CTU2: variants seen among roughly 807,000 people sequenced by gnomAD.
CTU2 encodes the protein cytoplasmic tRNA 2-thiolation protein 2.
A neutral mutation model predicts 64.1 loss-of-function variants in CTU2; 80 were observed. That is an observed-to-expected ratio of 1.25 (90% CI 1.04 to 1.50). The LOEUF is 1.50. Among genes scored for constraint, CTU2 ranks in the 40% most tolerant of loss-of-function variants. CTU2 has a pLI of 0.00. For missense variants in CTU2, 1,110 were observed against 690.2 expected, an observed-to-expected ratio of 1.61 and a Z score of -6.81; for synonymous variants, 482 against 285.3, an observed-to-expected ratio of 1.69 and a Z score of -6.95.
At chr16:88,710,345 T>C (rs1308884009) in intron 4 of CTU2, 63 bp downstream of exon 4, 16 of 1,558,712 alleles carry the variant, frequency 1.0e-5, no homozygotes, top group Admixed American at 1.7e-5. Flanking sequence ...GGGGCCTCCC[T>C]TCTCAGCCTG....
intron 12 of CTU2, 61 bp from the exon 13 acceptor site, chr16:88,714,799 A>T: frequency 2.5e-6 from 4 of 1,610,128 alleles, no homozygotes; most frequent in Non-Finnish European, 3.4e-6. Context: ...ACCTGTCCTT[A>T]CCCCACACTG....
chr16:88,713,563 C>T, intron 8 of CTU2, 84 bp from the exon 9 acceptor site: 1 of 1,565,706 alleles, frequency 6.4e-7, no homozygotes, highest in Non-Finnish European at 8.7e-7. Context: ...GTGGTGGGGT[C>T]TGTGACCTCC....
chr16:88,707,282 A>G (rs974931475), intron 2 of CTU2, 72 bp downstream of exon 2: 1 of 1,336,116 alleles, frequency 7.5e-7, no homozygotes, highest in East Asian at 2.3e-5. Flanking sequence ...GCAACTTGTG[A>G]TGCTTTGTTA....
intron 4 of CTU2, chr16:88,710,552 T>TTGA: frequency 2.0e-6 from 1 of 490,270 alleles, no homozygotes; most frequent in Non-Finnish European, 3.7e-6. Flanking sequence ...TGCGGCCCAC[T>TTGA]CTCAGATGTG....
At chr16:88,714,251 C>G in intron 10 of CTU2, 24 bp downstream of exon 10, 1 of 1,599,126 alleles carries the variant, frequency 6.3e-7, no homozygotes, top group Non-Finnish European at 8.5e-7. Flanking sequence ...TGGGTGTGTG[C>G]GGGGGGTGCG....
At position 88,710,292 on chromosome 16, in the gene CTU2, C is replaced by A; in HGVS notation, c.282+10C>A. On this transcript the variant is annotated intron_variant, in intron 4 of 14. Transcript: ENST00000453996. ...CTGGCAGGTTCTTGAGGTGCGTGTT[C>A]ACCACCCCGTGGGCCCGGGCTGCTG... 6.2e-7 allele frequency: 1 copy of A among 1,613,832 alleles called. No homozygotes were observed. Among genetic ancestry groups the A allele is most frequent in the Non-Finnish European group, 8.5e-7 (1 of 1,179,922 alleles).
At chr16:88,707,288 T>G in intron 2 of CTU2, 78 bp downstream of exon 2, 1 of 1,309,680 alleles carries the variant, frequency 7.6e-7, no homozygotes, top group Non-Finnish European at 1.1e-6. Context: ...TGTGATGCTT[T>G]GTTAATTCTT....
chr16:88,706,592 G>A lies in CTU2; in HGVS notation c.62G>A (p.Arg21Gln). The part of the protein sequence containing the change: ...PAPEEPPPAP[R>Q]PSREQKCVKC... The stretch of plus-strand genomic sequence containing the variant: ...CCTGAGGAGCCGCCCCCGGCGCCGC[G>A]GCCCAGGTAAGAGCTGGCGGCCGGA... The change falls in exon 1 of 15, where the codon CGG becomes CAG. Residue 21 changes from arginine (R) to glutamine (Q), a missense_variant. Transcript: ENST00000453996. 2.8e-6 allele frequency: 4 copies of A among 1,447,684 alleles called. No homozygotes were observed. Among genetic ancestry groups the A allele is most frequent in the South Asian group, 2.7e-5 (2 of 74,536 alleles). 89.7% of individuals were successfully genotyped at this position (1,447,684 alleles called of 1,614,324 possible). A position where few individuals can be genotyped will look rare whatever the true frequency, so the allele number is the denominator to read the frequency against.
intron 9 of CTU2, 52 bp from the exon 10 acceptor site, chr16:88,714,084 C>T (rs995795235): frequency 1.9e-5 from 29 of 1,561,876 alleles, no homozygotes; most frequent in Middle Eastern, 1.7e-4. Flanking sequence ...TCTGCCCCAG[C>T]CTGGGGCTGG....
At chr16:88,706,815 G>T in intron 1 of CTU2, 1 of 525,234 alleles carries the variant, frequency 1.9e-6, no homozygotes, top group Non-Finnish European at 3.4e-6. Flanking sequence ...CACTGGGGAC[G>T]GCTCTGCCGC....
intron 1 of CTU2, chr16:88,706,889 G>T (rs1035017991): frequency 2.5e-4 from 143 of 571,796 alleles, no homozygotes; most frequent in Admixed American, 3.0e-4. Context: ...CCCCGTGTCA[G>T]CCTTGGGAGA....
At chr16:88,711,556 A>C in intron 4 of CTU2, 79 bp from the exon 5 acceptor site, 1 of 1,359,198 alleles carries the variant, frequency 7.4e-7, no homozygotes, top group South Asian at 1.5e-5. Flanking sequence ...CATTAAATCC[A>C]GATGAAGAAT....
chr16:88,711,280 G>A (rs11861818), intron 4 of CTU2, among the ~76,000 whole-genome samples: 6,251 of 152,196 alleles, frequency 0.041, 415 homozygotes, highest in African/African-American at 0.14. Flanking sequence ...GCTTGTGAGA[G>A]CAAGTGCTTC....
chr16:88,709,725 G>A, intron 2 of CTU2: 2 of 581,944 alleles, frequency 3.4e-6, no homozygotes, highest in Non-Finnish European at 6.1e-6. Context: ...CTGGTCGTGG[G>A]AGGGGCCGGT....
rs61744025 is a variant in CTU2, at chr16:88,712,283, C to A, written c.353C>A (p.Ala118Asp). The change falls in exon 6 of 15, where the codon GCC becomes GAC. Residue 118 changes from alanine (A) to aspartate (D), a missense_variant. Ala to Asp is a moderately radical substitution (Grantham distance 126, BLOSUM62 -2). Transcript: ENST00000453996. Reference sequence around the variant, plus strand: ...TGCCTGGGTTTTTCAGAGGGAGCAGCCTGTGGCCAGAGCCTAGAGGAGAGA... The same window carrying A: ...TGCCTGGGTTTTTCAGAGGGAGCAGACTGTGGCCAGAGCCTAGAGGAGAGA... ...AGVIFVDEGAACGQSLEERSK... is the reference protein window; with the variant it reads ...AGVIFVDEGADCGQSLEERSK... The A allele has an allele frequency of 5.0e-6, 8 of 1,602,112 alleles. No individual in the cohort carries two copies. In the East Asian group the frequency reaches 1.3e-4, roughly 27 times the overall value.
At chr16:88,711,044 G>C (rs1911280462) in intron 4 of CTU2, 1 of 153,644 alleles carries the variant, frequency 6.5e-6, no homozygotes, top group Non-Finnish European at 1.4e-5. Flanking sequence ...CTGTGGGCTG[G>C]GTGGTTGAGA....
Position 88,715,339 on chromosome 16 carries a change from C to CTGA in CTU2, c.*90_*92dup, listed in dbSNP as rs1911899119. The CTGA allele has an allele frequency of 3.7e-6, 5 of 1,335,228 alleles. No individual in the cohort carries two copies. The highest frequency in any genetic ancestry group is 5.2e-6 in the Non-Finnish European group (5 of 969,962). The allele number at this position is 1,335,228 out of a possible 1,614,324, so 82.7% of individuals were successfully genotyped here. A position where few individuals can be genotyped will look rare whatever the true frequency, so the allele number is the denominator to read the frequency against. On this transcript the variant is annotated 3_prime_UTR_variant, in exon 15 of 15. Transcript: ENST00000453996. ...GAAGGCAAGGACGGGGGACTGGCCT[C>CTGA]TGATTGTCCATTTGTATAAATAAAA...
intron 2 of CTU2, among the ~76,000 whole-genome samples, chr16:88,707,724 A>T (rs771522074): frequency 6.6e-6 from 1 of 151,964 alleles, no homozygotes; most frequent in Non-Finnish European, 1.5e-5. Flanking sequence ...CACTAGACTC[A>T]TAGCTCCCTG....
rs989879401 is a variant in CTU2 at position 88,706,565 on chromosome 16, C to T, written c.35C>T (p.Ala12Val). ...CQVGEDYGEP[A>V]PEEPPPAPRP... is the part of the protein sequence containing the mutation. ...GTGGGCGAGGACTACGGGGAGCCGG[C>T]GCCTGAGGAGCCGCCCCCGGCGCCG... Residue 12 changes from alanine (A) to valine (V), a missense_variant, in exon 1 of 15, where the codon GCG becomes GTG. Physicochemically the swap from Ala to Val is moderately conservative, Grantham distance 64. Transcript: ENST00000453996. 5 of 1,457,628 alleles carry T rather than the reference C, an allele frequency of 3.4e-6. No individual in the cohort carries two copies. Among genetic ancestry groups the T allele is most frequent in the Admixed American group, 2.6e-5 (1 of 38,240 alleles). The allele number at this position is 1,457,628 out of a possible 1,614,324, so 90.3% of individuals were successfully genotyped here. A position where few individuals can be genotyped will look rare whatever the true frequency, so the allele number is the denominator to read the frequency against.
Sources: allele counts gnomAD v4.1 joint callset (sites outside exome capture counted in the v4.1 genomes callset), GRCh38; gene constraint gnomAD v4.1.1; transcripts MANE v1.5; gene names NCBI Gene and HGNC (gene_info 2026-07-23, HGNC 2026-07-21).